IL1RAPL1: variants seen among roughly 807,000 people sequenced by gnomAD.
IL1RAPL1 encodes the protein interleukin-1 receptor accessory protein-like 1.
Under a neutral mutation model 48.4 loss-of-function variants are expected in IL1RAPL1, and 3 were observed. The ratio of observed to expected loss-of-function variants is 0.06; its 90% CI spans 0.03 to 0.16. The LOEUF (loss-of-function observed/expected upper bound fraction) is 0.16, where lower values mean the gene tolerates loss of function less well. Ranked by LOEUF, IL1RAPL1 falls within the 10% of genes least tolerant of loss-of-function variation. The probability of loss-of-function intolerance (pLI) is 1.00; values close to 1 mark genes in which losing one functional copy is unlikely to be tolerated. For synonymous variants in IL1RAPL1, 185 were observed against 187.7 expected, an observed-to-expected ratio of 0.99 and a Z score of 0.12; for missense variants, 349 against 530.6, an observed-to-expected ratio of 0.66 and a Z score of 3.36.
intron 2 of IL1RAPL1, among the ~76,000 whole-genome samples, chrX:28,903,113 CT>C (rs1204569796): frequency 9.1e-6 from 1 of 110,355 alleles, no homozygotes; most frequent in Non-Finnish European, 1.9e-5. Context: ...ATTTTCTTTC[CT>C]TTTTTTTGTT....
At chrX:29,221,656 CACACACACACACACACAT>C (rs1930980810) in intron 2 of IL1RAPL1, among the ~76,000 whole-genome samples, 2 of 94,418 alleles carry the variant, frequency 2.1e-5, no homozygotes, top group Admixed American at 2.6e-4. Context: ...CACACACACA[CACACACACACACACACAT>C]ATGACAGACT....
intron 3 of IL1RAPL1, among the ~76,000 whole-genome samples, chrX:29,351,287 C>T (rs963812306): frequency 9.0e-6 from 1 of 111,501 alleles, no homozygotes; most frequent in Non-Finnish European, 1.9e-5. Flanking sequence ...CACTGTCTTA[C>T]GTGTTGAGAA....
chrX:28,925,741 T>C (rs1173232835), intron 2 of IL1RAPL1, among the ~76,000 whole-genome samples: 1 of 110,823 alleles, frequency 9.0e-6, no homozygotes, highest in Admixed American at 9.5e-5. Flanking sequence ...GCCGACAGGG[T>C]GAAACCCTGT....
At chrX:29,087,269 C>T (rs1411047186) in intron 2 of IL1RAPL1, among the ~76,000 whole-genome samples, 1 of 108,539 alleles carries the variant, frequency 9.2e-6, no homozygotes, top group Non-Finnish European at 1.9e-5. Context: ...TCCCAAGTAG[C>T]TTGGACCACA....
intron 2 of IL1RAPL1, among the ~76,000 whole-genome samples, chrX:28,868,638 C>T (rs1400702464): frequency 3.6e-5 from 4 of 111,648 alleles, no homozygotes; most frequent in African/African-American, 1.3e-4. Context: ...TGCCTTCTTA[C>T]TGCCTCCTGC....
intron 6 of IL1RAPL1, among the ~76,000 whole-genome samples, chrX:29,843,740 CTCTCTT>C (rs1467374148): frequency 9.1e-6 from 1 of 109,836 alleles, no homozygotes; most frequent in Non-Finnish European, 1.9e-5. Context: ...ATTCAATTCT[CTCTCTT>C]TCTCACTTCT....
At chrX:29,128,886 T>C (rs1246249082) in intron 2 of IL1RAPL1, among the ~76,000 whole-genome samples, 2 of 111,343 alleles carry the variant, frequency 1.8e-5, no homozygotes, top group Non-Finnish European at 3.8e-5. Flanking sequence ...AGTTTTATAT[T>C]TGGTGCTGAG....
intron 2 of IL1RAPL1, among the ~76,000 whole-genome samples, chrX:28,942,764 A>C (rs1924197632): frequency 9.1e-6 from 1 of 110,261 alleles, no homozygotes; most frequent in South Asian, 3.7e-4. Flanking sequence ...GGAAAGAATT[A>C]GGAAAAATGA....
intron 3 of IL1RAPL1, among the ~76,000 whole-genome samples, chrX:29,289,375 G>T (rs939629066): frequency 1.8e-5 from 2 of 111,909 alleles, no homozygotes; most frequent in African/African-American, 6.5e-5. Flanking sequence ...TCTTTATTCA[G>T]AATCCATTGA....
At chrX:29,430,983 C>T (rs768172390) in intron 5 of IL1RAPL1, among the ~76,000 whole-genome samples, 2 of 111,073 alleles carry the variant, frequency 1.8e-5, no homozygotes, top group South Asian at 3.8e-4. Flanking sequence ...TAAATATCTG[C>T]GTGATCCATG....
At chrX:29,828,894 C>T (rs1048952127) in intron 6 of IL1RAPL1, among the ~76,000 whole-genome samples, 1 of 108,097 alleles carries the variant, frequency 9.3e-6, no homozygotes, top group Non-Finnish European at 1.9e-5. Context: ...AGAGTCCTGC[C>T]GGGGGGAAAA....
chrX:28,709,100 T>A (rs1190292710), intron 1 of IL1RAPL1, among the ~76,000 whole-genome samples: 1 of 112,283 alleles, frequency 8.9e-6, no homozygotes, highest in Non-Finnish European at 1.9e-5. Flanking sequence ...CTATGTACAG[T>A]AAACAGTGTT....
At chrX:29,719,743 CA>C (rs372308075) in intron 6 of IL1RAPL1, among the ~76,000 whole-genome samples, 1,060 of 21,849 alleles carry the variant, frequency 0.049, 14 homozygotes, top group African/African-American at 0.11. Flanking sequence ...GAAAGATGAG[CA>C]AAAAAAAAAA....
intron 2 of IL1RAPL1, among the ~76,000 whole-genome samples, chrX:29,107,166 C>G (rs964514829): frequency 8.9e-6 from 1 of 111,813 alleles, no homozygotes; most frequent in Non-Finnish European, 1.9e-5. Context: ...TTTCAGTGAT[C>G]TGAAATACTT....
At chrX:28,596,690 C>T (rs948167983) in intron 1 of IL1RAPL1, among the ~76,000 whole-genome samples, 3 of 111,903 alleles carry the variant, frequency 2.7e-5, no homozygotes, top group Non-Finnish European at 5.6e-5. Context: ...TATAAATTAT[C>T]TGAAGATTAC....
intron 2 of IL1RAPL1, among the ~76,000 whole-genome samples, chrX:29,073,471 A>G (rs2147442264): frequency 9.0e-6 from 1 of 111,574 alleles, no homozygotes; most frequent in East Asian, 2.8e-4. Context: ...ATTTTGTCTC[A>G]TCATTTATCT....
intron 5 of IL1RAPL1, among the ~76,000 whole-genome samples, chrX:29,550,493 C>G (rs1000781914): frequency 6.2e-5 from 7 of 112,138 alleles, no homozygotes; most frequent in Non-Finnish European, 1.3e-4. Context: ...TTTAGAAATT[C>G]TACTCAATCC....
intron 6 of IL1RAPL1, among the ~76,000 whole-genome samples, chrX:29,846,490 G>A (rs1294193608): frequency 9.1e-6 from 1 of 110,401 alleles, no homozygotes; most frequent in African/African-American, 3.3e-5. Flanking sequence ...TAATGAGATA[G>A]GATGTTATTT....
At chrX:29,634,064 G>A (rs903192780) in intron 5 of IL1RAPL1, among the ~76,000 whole-genome samples, 5 of 111,873 alleles carry the variant, frequency 4.5e-5, no homozygotes, top group Admixed American at 9.5e-5. Flanking sequence ...GAAGATTTAA[G>A]AAGGGTTAAA....
Sources: gnomAD v4.1 joint callset for allele counts (sites outside exome capture counted in the v4.1 genomes callset) on GRCh38, gnomAD v4.1.1 for gene constraint, MANE v1.5 for transcripts, NCBI Gene and HGNC (gene_info 2026-07-23, HGNC 2026-07-21) for gene names.